Variants in HAPSTR1 observed in about 807,000 individuals in gnomAD.
HAPSTR1 encodes the protein HUWE1-associated protein modifying stress responses 1.
chr16:9,096,059 C>T, the HAPSTR1 span, among the ~76,000 whole-genome samples: 90 of 152,254 alleles, frequency 5.9e-4, no homozygotes, highest in African/African-American at 2.1e-3. Flanking sequence ...AGTCTACTGC[C>T]ACATTGCCTG....
At chr16:9,105,333 A>G in the HAPSTR1 span, 1 of 152,226 alleles carries the variant, frequency 6.6e-6, no homozygotes, top group Admixed American at 6.5e-5. Flanking sequence ...GACTGAATGC[A>G]TTCTTACTCT....
At chr16:9,092,822 T>C in the HAPSTR1 span, 2 of 1,261,040 alleles carry the variant, frequency 1.6e-6, no homozygotes, top group Non-Finnish European at 1.1e-6. Context: ...CGTTCCGGAG[T>C]GATTGACGCG....
chr16:9,094,704 C>G, the HAPSTR1 span, among the ~76,000 whole-genome samples: 1 of 152,128 alleles, frequency 6.6e-6, no homozygotes, highest in Non-Finnish European at 1.5e-5. Context: ...TTTTGATTGG[C>G]TAGTATTACT....
the HAPSTR1 span, chr16:9,104,255 AGGCATGTGC>A: frequency 6.6e-6 from 1 of 152,014 alleles, no homozygotes; most frequent in Non-Finnish European, 1.5e-5. Context: ...CTGGGATTAC[AGGCATGTGC>A]CACCACGCCG....
chr16:9,120,397 C>G, the HAPSTR1 span: 5 of 152,284 alleles, frequency 3.3e-5, no homozygotes, highest in Non-Finnish European at 7.3e-5. Context: ...GACGAGCAGG[C>G]CCGAGCACCC....
the HAPSTR1 span, among the ~76,000 whole-genome samples, chr16:9,114,868 A>G: frequency 1.1e-4 from 17 of 152,336 alleles, no homozygotes; most frequent in East Asian, 3.1e-3. Context: ...CATAGGAAGT[A>G]ATTGACATAG....
At chr16:9,110,358 GAT>G in the HAPSTR1 span, 1 of 152,114 alleles carries the variant, frequency 6.6e-6, no homozygotes, top group Non-Finnish European at 1.5e-5. Flanking sequence ...ATGTAAGGCA[GAT>G]AACTAATTTG....
the HAPSTR1 span, among the ~76,000 whole-genome samples, chr16:9,093,633 T>C: frequency 0.16 from 24,802 of 152,210 alleles, 2,158 homozygotes; most frequent in Non-Finnish European, 0.19. Flanking sequence ...GATCCTATAT[T>C]TGATTATAAG....
At chr16:9,120,984 TC>T in the HAPSTR1 span, 1 of 152,250 alleles carries the variant, frequency 6.6e-6, no homozygotes, top group African/African-American at 2.4e-5. Flanking sequence ...GTTTTCTTTT[TC>T]TTGTTTTTTG....
At chr16:9,092,263 C>T in the HAPSTR1 span, 1 of 1,552,502 alleles carries the variant, frequency 6.4e-7, no homozygotes, top group Non-Finnish European at 8.7e-7. Flanking sequence ...TGGCCCAGCT[C>T]TACAAAGGTG....
the HAPSTR1 span, among the ~76,000 whole-genome samples, chr16:9,094,902 C>A: frequency 6.6e-6 from 1 of 152,158 alleles, no homozygotes; most frequent in East Asian, 1.9e-4. Flanking sequence ...TAGGACTAAC[C>A]TAGCAGTTTT....
the HAPSTR1 span, chr16:9,092,833 C>G: frequency 2.2e-6 from 3 of 1,345,454 alleles, no homozygotes; most frequent in Admixed American, 7.0e-5. Context: ...GATTGACGCG[C>G]AAATAACATT....
At chr16:9,098,036 A>G in the HAPSTR1 span, among the ~76,000 whole-genome samples, 1 of 152,354 alleles carries the variant, frequency 6.6e-6, no homozygotes, top group South Asian at 2.1e-4. Context: ...GTGGTTATTA[A>G]GATGCTCCCC....
chr16:9,117,574 T>C, the HAPSTR1 span: 1 of 152,890 alleles, frequency 6.5e-6, no homozygotes. Context: ...GTGTTAGTGC[T>C]CTAAAGTAGC....
the HAPSTR1 span, chr16:9,111,349 T>A: frequency 3.3e-4 from 51 of 152,386 alleles, no homozygotes; most frequent in African/African-American, 1.2e-3. Context: ...AGCAGTCTCT[T>A]AATTACTTAA....
At chr16:9,106,198 C>G in the HAPSTR1 span, 1 of 151,844 alleles carries the variant, frequency 6.6e-6, no homozygotes, top group East Asian at 1.9e-4. Context: ...CACTTGAGGT[C>G]AGGAGTTTGA....
the HAPSTR1 span, chr16:9,093,016 G>C: frequency 3.1e-6 from 5 of 1,603,278 alleles, no homozygotes; most frequent in Non-Finnish European, 4.3e-6. Flanking sequence ...AGATAACCTT[G>C]CTGCATTGCC....
At chr16:9,113,039 T>G in the HAPSTR1 span, 1 of 151,152 alleles carries the variant, frequency 6.6e-6, no homozygotes, top group South Asian at 2.1e-4. Flanking sequence ...TTTTTTTTGT[T>G]TTTTTTTTAG....
At chr16:9,097,043 G>C in the HAPSTR1 span, among the ~76,000 whole-genome samples, 2 of 151,784 alleles carry the variant, frequency 1.3e-5, no homozygotes, top group African/African-American at 4.8e-5. Flanking sequence ...TGGTTCAAGC[G>C]ATTCTCCTGC....
Sources: allele counts gnomAD v4.1 joint callset (sites outside exome capture counted in the v4.1 genomes callset), GRCh38; gene constraint gnomAD v4.1.1; transcripts MANE v1.5; gene names NCBI Gene and HGNC (gene_info 2026-07-23, HGNC 2026-07-21).